LCORL: variants seen among roughly 807,000 people sequenced by gnomAD.
The protein encoded by LCORL is ligand-dependent nuclear receptor corepressor-like protein.
Under a neutral mutation model 141.8 loss-of-function variants are expected in LCORL, and 41 were observed. The ratio of observed to expected loss-of-function variants is 0.29; its 90% confidence interval spans 0.23 to 0.38. The LOEUF (loss-of-function observed/expected upper bound fraction) is 0.38, where lower values mean the gene tolerates loss of function less well. Ranked by LOEUF, LCORL falls within the 10% of genes least tolerant of loss-of-function variation. LCORL has a pLI of 1.00. For missense variants in LCORL, 1,759 were observed against 2,035.0 expected (o/e 0.86, Z 2.61); for synonymous variants, 618 against 694.1 (o/e 0.89, Z 1.72).
At chr4:17,962,820 A>G (rs1714108263) in intron 3 of LCORL, 150 bp downstream of exon 3, 3 of 419,426 alleles carry the variant, frequency 7.2e-6, no homozygotes, top group Middle Eastern at 6.5e-4. Flanking sequence ...GATTTCTAAT[A>G]TGACTTTAAA....
chr4:17,875,048 A>C, exon 7 of LCORL: 2 of 1,233,668 alleles, frequency 1.6e-6, no homozygotes, highest in Non-Finnish European at 2.0e-6. Context: ...ATCCATTTTT[A>C]AATATATCAG....
At chr4:18,017,403 AACTTT>A (rs1724797709) in intron 1 of LCORL, among the ~76,000 whole-genome samples, 1 of 152,166 alleles carries the variant, frequency 6.6e-6, no homozygotes, top group South Asian at 2.1e-4. Flanking sequence ...GATAAATAAT[AACTTT>A]CAGGGATACA....
At chr4:17,843,378 AAAAGT>A (rs746825149) in exon 8 of LCORL, 1 of 1,612,044 alleles carries the variant, frequency 6.2e-7, no homozygotes, top group African/African-American at 1.3e-5. Flanking sequence ...AGCACTAGAA[AAAAGT>A]AAACTTAACC....
In LCORL at chr4:17,880,998, C is replaced by A. The variant is rs1374646022; in HGVS notation, c.777-2785G>T. ...CATTGGAAATACTGCAATTAAAAAA[C>A]AAATACAAGTATTTGTACTGTAAAC... On this transcript the variant is annotated intron_variant, in intron 6 of 7. Coordinates refer to ENST00000635767, the Ensembl canonical transcript of LCORL. 3.1e-6 allele frequency: 3 copies of A among 983,102 alleles called. No homozygotes were observed. The African/African-American group carries it at 5.3e-5, about 17-fold the overall frequency. The allele number at this position is 983,102 out of a possible 1,614,324, so 60.9% of individuals were successfully genotyped here. A position where few individuals can be genotyped will look rare whatever the true frequency, so the allele number is the denominator to read the frequency against.
rs1464048025 is a variant in LCORL at position 18,021,662 on chromosome 4, C to A, written c.90G>T (p.Ala30=). 1 of 1,545,988 alleles carries A rather than the reference C, an allele frequency of 6.5e-7. No homozygotes were observed. The highest frequency in any genetic ancestry group is 8.7e-7 in the Non-Finnish European group (1 of 1,145,072). Reference sequence around the variant, plus strand: ...CCCGCCGGAATCCTCTTCTCTCCGCCGCGCACCGAGGGCTCCGGCACTGAG... The same window carrying A: ...CCCGCCGGAATCCTCTTCTCTCCGCAGCGCACCGAGGGCTCCGGCACTGAG... Residue 30 remains alanine (A), a synonymous_variant, in exon 1 of 8, where the codon GCG becomes GCT. Coordinates refer to ENST00000635767, the Ensembl canonical transcript of LCORL. The surrounding 1 kb of genome is among the most constrained non-coding windows in gnomAD (Gnocchi z 5.5).
In LCORL at chr4:17,906,455, G is replaced by A. The variant is rs181577031; in HGVS notation, c.682+2639C>T. ...CCTCAAGAAGACTAGAATCACATAT[G>A]ACAATAAGTCATTCAAAAACTTAAA... On this transcript the variant is annotated intron_variant, in intron 5 of 7. Transcript: ENST00000635767. Among the ~76,000 whole-genome samples, 656 of 152,164 alleles carry A rather than the reference G, an allele frequency of 4.3e-3. 4 individuals are homozygous for A. The highest frequency in any genetic ancestry group is 0.015 in the African/African-American group (633 of 41,480).
chr4:17,894,289 C>A (rs1729551598), intron 5 of LCORL, among the ~76,000 whole-genome samples: 1 of 152,160 alleles, frequency 6.6e-6, no homozygotes, highest in Non-Finnish European at 1.5e-5. Flanking sequence ...CCTGTGGTAT[C>A]ATTTACTTTG....
At chr4:17,873,619 C>T in exon 7 of LCORL, 1 of 1,233,856 alleles carries the variant, frequency 8.1e-7, no homozygotes, top group Non-Finnish European at 1.0e-6. Flanking sequence ...TTAGCATTTT[C>T]TATTTCTTTA....
At chr4:18,013,373 T>C (rs146839274) in intron 1 of LCORL, among the ~76,000 whole-genome samples, 115 of 152,360 alleles carry the variant, frequency 7.5e-4, no homozygotes, top group African/African-American at 2.7e-3. Flanking sequence ...AGTAATCTCA[T>C]CTATTTCTGT....
At chr4:17,882,798 T>C in intron 6 of LCORL, 14 of 984,820 alleles carry the variant, frequency 1.4e-5, no homozygotes, top group Non-Finnish European at 1.7e-5. Flanking sequence ...TAACATCAAC[T>C]AACCAGCACA....
chr4:17,876,475 G>A (rs1405694051), exon 7 of LCORL: 7 of 1,230,456 alleles, frequency 5.7e-6, no homozygotes, highest in Non-Finnish European at 7.1e-6. Flanking sequence ...TCTTCCAAAC[G>A]CTTCACAACC....
At chr4:17,882,219 AG>A (rs1345668055) in intron 6 of LCORL, 1 of 984,522 alleles carries the variant, frequency 1.0e-6, no homozygotes, top group Non-Finnish European at 1.2e-6. Flanking sequence ...GCATTTGACA[AG>A]GTGCACTTAT....
chr4:17,853,807 C>T (rs147691520), intron 7 of LCORL, among the ~76,000 whole-genome samples: 9 of 152,124 alleles, frequency 5.9e-5, no homozygotes, highest in African/African-American at 7.2e-5. Context: ...GTTAAGTGCA[C>T]GAACCTAGAT....
At chr4:17,855,899 T>C (rs778649962) in intron 7 of LCORL, among the ~76,000 whole-genome samples, 1 of 152,200 alleles carries the variant, frequency 6.6e-6, no homozygotes, top group Non-Finnish European at 1.5e-5. Context: ...ATTGTGGCAA[T>C]AAATAAACCA....
In LCORL at chr4:17,956,901, A is replaced by G. The variant is rs1301835749; in HGVS notation, c.430+5002T>C. On this transcript the variant is annotated intron_variant, in intron 4 of 7. Coordinates refer to ENST00000635767, the Ensembl canonical transcript of LCORL. ...TCAAAATATCACATGTATCCTGTAA[A>G]TATGTATAAATATTATGTATCAGTA... Among the ~76,000 whole-genome samples the G allele has an allele frequency of 2.6e-5, 4 of 152,214 alleles. No individual in the cohort carries two copies. In the East Asian group the frequency reaches 5.8e-4, roughly 22 times the overall value.
At chr4:17,909,185 T>C in exon 5 of LCORL, 1 of 1,613,508 alleles carries the variant, frequency 6.2e-7, no homozygotes, top group Non-Finnish European at 8.5e-7. Context: ...CTTGATTCAT[T>C]TGGATACTTT....
At chr4:18,008,196 T>C (rs749362976) in intron 1 of LCORL, among the ~76,000 whole-genome samples, 1 of 152,168 alleles carries the variant, frequency 6.6e-6, no homozygotes, top group South Asian at 2.1e-4. Flanking sequence ...GTCTGTGCCA[T>C]GGAAAAGCCT....
intron 4 of LCORL, among the ~76,000 whole-genome samples, chr4:17,940,174 A>ATATATGTATATATATGTATACATG (rs1560376016): frequency 9.6e-5 from 3 of 31,106 alleles, no homozygotes; most frequent in Admixed American, 4.1e-4. Context: ...GTATACATGT[A>ATATATGTATATATATGTATACATG]TATATATATA....
chr4:17,905,837 TAGC>T (rs1027401540), intron 5 of LCORL, among the ~76,000 whole-genome samples: 13 of 152,054 alleles, frequency 8.5e-5, no homozygotes, highest in Middle Eastern at 3.4e-3. Flanking sequence ...CACTAGCAAA[TAGC>T]AACATAAAAA....
Sources: gnomAD v4.1 joint callset for allele counts (sites outside exome capture counted in the v4.1 genomes callset) on GRCh38, gnomAD v4.1.1 for gene constraint, Gnocchi (gnomAD v3.1) non-coding constraint, MANE v1.5 for transcripts, NCBI Gene and HGNC (gene_info 2026-07-23, HGNC 2026-07-21) for gene names.